PODXL: variants seen among roughly 807,000 people sequenced by gnomAD.
PODXL encodes the protein podocalyxin.
PODXL carries 20 observed loss-of-function variants against 48.9 expected under a neutral mutation model. That is an observed-to-expected ratio of 0.41 (90% CI 0.29 to 0.59). The LOEUF is 0.59. Among genes scored for constraint, PODXL ranks in the 20% least tolerant of loss-of-function variants. The probability of loss-of-function intolerance (pLI) is 0.31; values close to 1 mark genes in which losing one functional copy is unlikely to be tolerated. For synonymous variants in PODXL, 295 were observed against 287.4 expected, an observed-to-expected ratio of 1.03 and a Z score of -0.27; for missense variants, 606 against 675.1, an observed-to-expected ratio of 0.90 and a Z score of 1.13.
At chr7:131,547,989 C>T (rs1195295883) in intron 1 of PODXL, among the ~76,000 whole-genome samples, 1 of 152,266 alleles carries the variant, frequency 6.6e-6, no homozygotes, top group African/African-American at 2.4e-5. Flanking sequence ...AACCCAGGTC[C>T]TTCCCCTCCT....
intron 1 of PODXL, among the ~76,000 whole-genome samples, chr7:131,554,640 T>A (rs923366349): frequency 2.0e-5 from 3 of 152,152 alleles, no homozygotes; most frequent in Non-Finnish European, 4.4e-5. Context: ...TATGAACATT[T>A]CCTTTTAGGG....
intron 1 of PODXL, among the ~76,000 whole-genome samples, chr7:131,550,935 G>A (rs987901368): frequency 1.3e-5 from 2 of 152,128 alleles, no homozygotes; most frequent in African/African-American, 4.8e-5. Context: ...ATGATTTCCA[G>A]AAGGCTCCCC....
At chr7:131,514,949 G>T (rs1797968547) in intron 1 of PODXL, among the ~76,000 whole-genome samples, 1 of 152,088 alleles carries the variant, frequency 6.6e-6, no homozygotes, top group African/African-American at 2.4e-5. Flanking sequence ...GCTTAAAACA[G>T]GATTTGTCAA....
chr7:131,534,825 A>G (rs1369942324), intron 1 of PODXL, among the ~76,000 whole-genome samples: 1 of 152,166 alleles, frequency 6.6e-6, no homozygotes, highest in African/African-American at 2.4e-5. Flanking sequence ...TGAGGTGGGC[A>G]GATCGCTTGA....
chr7:131,542,733 AAAAT>A lies in PODXL; in HGVS notation c.100+13523_100+13526del, dbSNP rs201759869. 9.4e-3 allele frequency among the ~76,000 whole-genome samples: 1,425 copies of A among 152,286 alleles called. 15 individuals carry two copies. The highest frequency in any genetic ancestry group is 0.032 in the African/African-American group (1,347 of 41,568). On this transcript the variant is annotated intron_variant, in intron 1 of 8. Transcript: ENST00000378555. ...GGAGCCTCAAGACGTGACTCTAGGT[AAAAT>A]CACCAGCATCCTCCGCCTTGGATTT...
chr7:131,520,246 C>CA (rs1156369655), intron 1 of PODXL: 1 of 459,390 alleles, frequency 2.2e-6, no homozygotes, highest in Non-Finnish European at 4.3e-6. Context: ...GAGTGGGCTT[C>CA]AAGCAGCATG....
chr7:131,554,621 C>T (rs1359463319), intron 1 of PODXL, among the ~76,000 whole-genome samples: 2 of 152,190 alleles, frequency 1.3e-5, no homozygotes, highest in African/African-American at 2.4e-5. Context: ...GCTTTGCCCA[C>T]TGGTGACTTA....
intron 5 of PODXL, among the ~76,000 whole-genome samples, chr7:131,508,122 C>A (rs1465385114): frequency 1.3e-5 from 2 of 152,216 alleles, no homozygotes; most frequent in African/African-American, 4.8e-5. Flanking sequence ...AGCGCACACT[C>A]CCCAGACCAA....
At chr7:131,530,757 C>T (rs1242567208) in intron 1 of PODXL, among the ~76,000 whole-genome samples, 2 of 113,854 alleles carry the variant, frequency 1.8e-5, no homozygotes, top group Non-Finnish European at 3.5e-5. Context: ...GATCATGTCT[C>T]AGAAAAAAAA....
intron 1 of PODXL, among the ~76,000 whole-genome samples, chr7:131,524,123 T>C (rs1439272195): frequency 6.6e-6 from 1 of 151,512 alleles, no homozygotes; most frequent in African/African-American, 2.4e-5. Flanking sequence ...TAATATCCAT[T>C]CATGATTTAA....
chr7:131,534,765 C>T (rs1327681946), intron 1 of PODXL, among the ~76,000 whole-genome samples: 2 of 152,124 alleles, frequency 1.3e-5, no homozygotes, highest in Non-Finnish European at 2.9e-5. Context: ...TTTTAATACA[C>T]ATGGCCGGGT....
At chr7:131,512,803 C>A (rs773711976) in intron 1 of PODXL, among the ~76,000 whole-genome samples, 4 of 151,952 alleles carry the variant, frequency 2.6e-5, no homozygotes, top group Admixed American at 6.6e-5. Context: ...TATAGAGAAA[C>A]CCCATCTCTA....
At chr7:131,535,406 A>G (rs2116842837) in intron 1 of PODXL, among the ~76,000 whole-genome samples, 1 of 152,326 alleles carries the variant, frequency 6.6e-6, no homozygotes, top group Non-Finnish European at 1.5e-5. Flanking sequence ...CAGCAAGTAA[A>G]CAGGTCAGTT....
chr7:131,530,641 C>T (rs1402926020), intron 1 of PODXL, among the ~76,000 whole-genome samples: 2 of 151,390 alleles, frequency 1.3e-5, no homozygotes, highest in African/African-American at 4.9e-5. Context: ...CAGCTACTCA[C>T]GATGAGGTAG....
At chr7:131,539,601 G>A (rs1172244060) in intron 1 of PODXL, among the ~76,000 whole-genome samples, 1 of 152,234 alleles carries the variant, frequency 6.6e-6, no homozygotes, top group Non-Finnish European at 1.5e-5. Flanking sequence ...TTACAGGCGT[G>A]AGCCACCACG....
At chr7:131,514,760 C>T (rs972127607) in intron 1 of PODXL, among the ~76,000 whole-genome samples, 1 of 151,794 alleles carries the variant, frequency 6.6e-6, no homozygotes, top group Admixed American at 6.6e-5. Flanking sequence ...GCACGCACCA[C>T]CACACCCAGC....
intron 1 of PODXL, among the ~76,000 whole-genome samples, chr7:131,529,986 G>A (rs1357479936): frequency 8.5e-6 from 1 of 117,168 alleles, no homozygotes; most frequent in African/African-American, 2.6e-5. Flanking sequence ...AGGGGTATAG[G>A]CGGGGCCTTT....
rs1224835496 is a variant in PODXL, at chr7:131,532,451, AT to A, written c.101-21019del. Among the ~76,000 whole-genome samples, 392 of 144,524 alleles carry A rather than the reference AT, an allele frequency of 2.7e-3. 4 individuals carry two copies. Among genetic ancestry groups the A allele is most frequent in the African/African-American group, 8.9e-3 (350 of 39,198 alleles). The allele number at this position is 144,524 out of a possible 152,430, so 94.8% of individuals were successfully genotyped here. On this transcript the variant is annotated intron_variant, in intron 1 of 8. Transcript: ENST00000378555. Reference sequence around the variant, plus strand: ...ACTCCGTCTCAAAAAAAAAAAAAAAATTAAAAATAAATAATAATAATAATAA... The same window carrying A: ...ACTCCGTCTCAAAAAAAAAAAAAAAATAAAAATAAATAATAATAATAATAA...
At chr7:131,509,296 A>G (rs757907389) in intron 4 of PODXL, 69 bp downstream of exon 4, 2 of 1,269,792 alleles carry the variant, frequency 1.6e-6, no homozygotes, top group Non-Finnish European at 2.3e-6. Context: ...AAGAACAGAA[A>G]ACCTTGTCTT....
Sources: gnomAD v4.1 joint callset for allele counts (sites outside exome capture counted in the v4.1 genomes callset) on GRCh38, gnomAD v4.1.1 for gene constraint, MANE v1.5 for transcripts, NCBI Gene and HGNC (gene_info 2026-07-23, HGNC 2026-07-21) for gene names.